The following ZNF385D variants were observed in gnomAD, a reference collection of about 807,000 sequenced individuals.
ZNF385D encodes the protein zinc finger protein 659.
In ZNF385D, 15 loss-of-function variants were observed where a neutral mutation model predicts 35.8. The observed-to-expected ratio is 0.42, with a 90% CI of 0.28 to 0.64. ZNF385D has a LOEUF of 0.64. ZNF385D is among the 30% of genes least tolerant of loss of function. ZNF385D has a pLI of 0.23. For missense variants in ZNF385D, 474 were observed against 494.6 expected (o/e 0.96, Z 0.39); for synonymous variants, 212 against 186.8 (o/e 1.13, Z -1.10).
chr3:21,753,899 C>A (rs2125564963), upstream of ZNF385D, among the ~76,000 whole-genome samples: 1 of 151,930 alleles, frequency 6.6e-6, no homozygotes, highest in East Asian at 1.9e-4. Flanking sequence ...TAGAGTTTGA[C>A]CTTTTTACAC....
chr3:21,629,811 A>T (rs2065231607), intron 2 of ZNF385D, among the ~76,000 whole-genome samples: 1 of 152,160 alleles, frequency 6.6e-6, no homozygotes, highest in South Asian at 2.1e-4. Flanking sequence ...AAGCAGAAAG[A>T]GGCAAAACTG....
rs567219144 is a variant in ZNF385D, at chr3:21,701,933, T to C, written c.23-36905A>G. On this transcript the variant is annotated intron_variant, in intron 1 of 7. Coordinates refer to ENST00000281523, the MANE Select transcript of ZNF385D (RefSeq NM_024697.3). Reference sequence around the variant, plus strand: ...CCCGTCTCTATGGCTTTCCAGGGTATAGCCCCCATCTTGGCTACTTTCATG... The same window carrying C: ...CCCGTCTCTATGGCTTTCCAGGGTACAGCCCCCATCTTGGCTACTTTCATG... 7.2e-5 allele frequency among the ~76,000 whole-genome samples: 11 copies of C among 152,298 alleles called. No individual in the cohort carries two copies. The East Asian group carries it at 1.6e-3, about 21-fold the overall frequency.
intron 2 of ZNF385D, among the ~76,000 whole-genome samples, chr3:22,215,040 T>A (rs1697777302): frequency 6.6e-6 from 1 of 152,018 alleles, no homozygotes; most frequent in Admixed American, 6.6e-5. Context: ...ACAATTTCTC[T>A]CTTTTGTACT....
intron 3 of ZNF385D, among the ~76,000 whole-genome samples, chr3:21,846,730 G>A (rs956637242): frequency 6.6e-6 from 1 of 151,988 alleles, no homozygotes; most frequent in Non-Finnish European, 1.5e-5. Flanking sequence ...TTTAGAGAGA[G>A]AGGATGGGAA....
intron 2 of ZNF385D, among the ~76,000 whole-genome samples, chr3:22,192,844 C>T (rs918313510): frequency 6.6e-6 from 1 of 152,158 alleles, no homozygotes; most frequent in Non-Finnish European, 1.5e-5. Context: ...CTTTAATGAA[C>T]CGAGCACTGG....
chr3:21,597,468 A>G (rs912522009), intron 2 of ZNF385D, among the ~76,000 whole-genome samples: 3 of 152,244 alleles, frequency 2.0e-5, no homozygotes, highest in East Asian at 3.8e-4. Context: ...TAACATACAA[A>G]TGAAATGGCA....
chr3:22,127,486 C>G (rs12492265), intron 3 of ZNF385D, among the ~76,000 whole-genome samples: 6,054 of 151,490 alleles, frequency 0.04, 190 homozygotes, highest in Non-Finnish European at 0.058. Flanking sequence ...ATTACAAGCA[C>G]CTGCCACCAC....
intron 3 of ZNF385D, among the ~76,000 whole-genome samples, chr3:22,066,408 CTGTGTGTGTGTCTG>C (rs1559343022): frequency 7.2e-6 from 1 of 139,282 alleles, no homozygotes; most frequent in Non-Finnish European, 1.5e-5. Context: ...AGATGGTTCC[CTGTGTGTGTGTCTG>C]CGTGTATAAG....
intron 2 of ZNF385D, among the ~76,000 whole-genome samples, chr3:22,262,572 G>A (rs944058322): frequency 1.3e-5 from 2 of 151,368 alleles, no homozygotes; most frequent in Non-Finnish European, 2.9e-5. Context: ...GTTTCATGTC[G>A]TCCAGTCTTA....
chr3:21,902,122 A>T (rs1018132684), intron 3 of ZNF385D, among the ~76,000 whole-genome samples: 1 of 152,126 alleles, frequency 6.6e-6, no homozygotes, highest in Non-Finnish European at 1.5e-5. Context: ...TCATGACAAA[A>T]CATTTGTAGA....
intron 3 of ZNF385D, among the ~76,000 whole-genome samples, chr3:22,006,187 C>T (rs927335085): frequency 3.9e-5 from 6 of 152,006 alleles, no homozygotes; most frequent in African/African-American, 1.4e-4. Flanking sequence ...TTAGATAAAC[C>T]TATGCAGAGT....
At chr3:22,313,574 C>G (rs1030868332) in intron 2 of ZNF385D, among the ~76,000 whole-genome samples, 3 of 151,808 alleles carry the variant, frequency 2.0e-5, no homozygotes, top group African/African-American at 7.3e-5. Context: ...AAACAGACAA[C>G]TCAAGAATTT....
At chr3:21,788,415 T>C (rs2071791005) in intron 3 of ZNF385D, among the ~76,000 whole-genome samples, 2 of 151,674 alleles carry the variant, frequency 1.3e-5, no homozygotes. Context: ...GAGGCAGAGG[T>C]TGCAGTGAGC....
intron 3 of ZNF385D, among the ~76,000 whole-genome samples, chr3:21,870,934 G>C (rs746562139): frequency 6.6e-6 from 1 of 152,124 alleles, no homozygotes; most frequent in African/African-American, 2.4e-5. Context: ...TTGCACTCTT[G>C]CTCTCCTTAT....
At chr3:21,473,298 A>G (rs1415532034) in intron 4 of ZNF385D, among the ~76,000 whole-genome samples, 1 of 151,868 alleles carries the variant, frequency 6.6e-6, no homozygotes, top group African/African-American at 2.4e-5. Flanking sequence ...AAGGTTGGAG[A>G]GCTAAAAACT....
chr3:21,715,499 T>C (rs1027793924), intron 1 of ZNF385D, among the ~76,000 whole-genome samples: 4 of 152,204 alleles, frequency 2.6e-5, no homozygotes, highest in Admixed American at 1.3e-4. Flanking sequence ...TAATCATCCA[T>C]TGATGGATAC....
chr3:22,292,317 C>T (rs192175884), intron 2 of ZNF385D, among the ~76,000 whole-genome samples: 1 of 152,066 alleles, frequency 6.6e-6, no homozygotes, highest in African/African-American at 2.4e-5. Flanking sequence ...TGTATATTTA[C>T]TCATTATATT....
At chr3:21,871,105 A>G (rs1294922638) in intron 3 of ZNF385D, among the ~76,000 whole-genome samples, 1 of 152,278 alleles carries the variant, frequency 6.6e-6, no homozygotes, top group East Asian at 1.9e-4. Flanking sequence ...CTCATCTCTC[A>G]GTACAACTCT....
At chr3:21,472,372 A>T (rs1244443543) in intron 4 of ZNF385D, among the ~76,000 whole-genome samples, 1 of 152,132 alleles carries the variant, frequency 6.6e-6, no homozygotes, top group Non-Finnish European at 1.5e-5. Flanking sequence ...CTATAAAATA[A>T]GAGCAAAAAA....
Sources: allele counts gnomAD v4.1 joint callset (sites outside exome capture counted in the v4.1 genomes callset), GRCh38; gene constraint gnomAD v4.1.1; transcripts MANE v1.5; gene names NCBI Gene and HGNC (gene_info 2026-07-23, HGNC 2026-07-21).